Variants in PDE10A observed in about 807,000 individuals in gnomAD.
The protein encoded by PDE10A is phosphodiesterase 10A.
PDE10A carries 39 observed loss-of-function variants against 97.7 expected under a neutral mutation model. The observed-to-expected ratio is 0.40, with a 90% CI of 0.31 to 0.52. The LOEUF (loss-of-function observed/expected upper bound fraction) is 0.52. PDE10A is among the 20% of genes least tolerant of loss of function. The pLI is 0.56. For missense variants in PDE10A, 731 were observed against 1,047.8 expected, an observed-to-expected ratio of 0.70 and a Z score of 4.17; for synonymous variants, 371 against 376.8, an observed-to-expected ratio of 0.98 and a Z score of 0.18.
chr6:165,398,695 G>A (rs1055670819), intron 13 of PDE10A, among the ~76,000 whole-genome samples: 2 of 151,882 alleles, frequency 1.3e-5, no homozygotes, highest in African/African-American at 4.8e-5. Flanking sequence ...AACTCTTTGT[G>A]GAGAAGATTT....
chr6:165,796,085 T>TC (rs1491037773), intron 1 of PDE10A, among the ~76,000 whole-genome samples: 1,378 of 134,562 alleles, frequency 0.01, 27 homozygotes, highest in African/African-American at 0.037. Flanking sequence ...TTCTTTTTTT[T>TC]CTTTTCTTTT....
chr6:165,886,650 A>G (rs186521617), intron 1 of PDE10A, among the ~76,000 whole-genome samples: 14 of 152,372 alleles, frequency 9.2e-5, no homozygotes, highest in Non-Finnish European at 2.9e-5. Flanking sequence ...TGTCCCATCG[A>G]GAATCTGTAT....
chr6:165,738,372 A>G (rs1249523807), intron 1 of PDE10A, among the ~76,000 whole-genome samples: 1 of 150,942 alleles, frequency 6.6e-6, no homozygotes, highest in African/African-American at 2.4e-5. Flanking sequence ...ATAGTATTCC[A>G]TGGTGTATAT....
At chr6:165,855,541 G>A (rs559293167) in intron 1 of PDE10A, among the ~76,000 whole-genome samples, 25 of 151,700 alleles carry the variant, frequency 1.6e-4, no homozygotes, top group Non-Finnish European at 3.5e-4. Flanking sequence ...CATGTGGGGA[G>A]CATTTGGAGC....
At chr6:165,449,223 A>G (rs9457092) in intron 4 of PDE10A, among the ~76,000 whole-genome samples, 13,435 of 152,306 alleles carry the variant, frequency 0.088, 671 homozygotes, top group East Asian at 0.19. Context: ...ATAGCAGTCA[A>G]CGTACCACAT....
intron 2 of PDE10A, among the ~76,000 whole-genome samples, chr6:165,498,372 G>A (rs1017481198): frequency 6.2e-5 from 8 of 128,704 alleles, no homozygotes; most frequent in African/African-American, 1.2e-4. Flanking sequence ...GCAGGGAGTC[G>A]TGATCCTGTC....
At chr6:165,542,746 G>A (rs1235305652) in intron 2 of PDE10A, among the ~76,000 whole-genome samples, 1 of 150,622 alleles carries the variant, frequency 6.6e-6, no homozygotes, top group Non-Finnish European at 1.5e-5. Flanking sequence ...AGCCTCCTGA[G>A]TAGCTGGGAC....
chr6:165,966,517 G>A (rs930417492), intron 1 of PDE10A, among the ~76,000 whole-genome samples: 1 of 152,238 alleles, frequency 6.6e-6, no homozygotes, highest in African/African-American at 2.4e-5. Context: ...GCTCGTGGAA[G>A]ATGCTTAAAA....
At chr6:165,582,012 C>T (rs1440288551) in intron 1 of PDE10A, among the ~76,000 whole-genome samples, 1 of 152,198 alleles carries the variant, frequency 6.6e-6, no homozygotes, top group Non-Finnish European at 1.5e-5. Flanking sequence ...TGAACACTAA[C>T]AACATGCTAT....
chr6:165,735,320 TGGTA>T (rs1044582077), intron 1 of PDE10A, among the ~76,000 whole-genome samples: 2 of 144,792 alleles, frequency 1.4e-5, no homozygotes, highest in Admixed American at 6.8e-5. Context: ...ATAGGTAGGT[TGGTA>T]GGTAGGTAGG....
intron 2 of PDE10A, among the ~76,000 whole-genome samples, chr6:165,542,860 C>T (rs960223670): frequency 3.3e-5 from 5 of 151,876 alleles, no homozygotes; most frequent in South Asian, 2.1e-4. Flanking sequence ...CCTCGTGATC[C>T]GCCCGCCTCA....
At chr6:165,470,493 C>T (rs930330139) in intron 3 of PDE10A, among the ~76,000 whole-genome samples, 1 of 152,142 alleles carries the variant, frequency 6.6e-6, no homozygotes, top group Non-Finnish European at 1.5e-5. Flanking sequence ...GTGCCTTTCC[C>T]TTAGAGGATA....
intron 1 of PDE10A, among the ~76,000 whole-genome samples, chr6:165,719,533 C>G (rs1482469763): frequency 6.6e-6 from 1 of 152,140 alleles, no homozygotes; most frequent in South Asian, 2.1e-4. Context: ...TCAATCTAGT[C>G]TTAACAAAGG....
intron 1 of PDE10A, among the ~76,000 whole-genome samples, chr6:165,873,079 T>C (rs1781246023): frequency 6.6e-6 from 1 of 152,200 alleles, no homozygotes; most frequent in Non-Finnish European, 1.5e-5. Context: ...AGGTTGTTCC[T>C]AGGCCTCAGC....
chr6:165,754,721 C>A (rs1447692971), intron 1 of PDE10A, among the ~76,000 whole-genome samples: 2 of 152,078 alleles, frequency 1.3e-5, no homozygotes, highest in Non-Finnish European at 2.9e-5. Flanking sequence ...GTCACTTAAC[C>A]TCCTAAAGCT....
At chr6:165,867,230 G>GAAAAAA in intron 1 of PDE10A, among the ~76,000 whole-genome samples, 1 of 137,278 alleles carries the variant, frequency 7.3e-6, no homozygotes, top group Non-Finnish European at 1.6e-5. Context: ...AGACTGAATG[G>GAAAAAA]AAAAAAAAAA....
intron 1 of PDE10A, among the ~76,000 whole-genome samples, chr6:165,705,215 G>C (rs1007798562): frequency 3.9e-5 from 6 of 152,244 alleles, no homozygotes; most frequent in African/African-American, 1.2e-4. Flanking sequence ...AGACAGGTGA[G>C]GTTAAGACCA....
chr6:165,686,474 G>A (rs902014743), intron 1 of PDE10A, among the ~76,000 whole-genome samples: 2 of 152,138 alleles, frequency 1.3e-5, no homozygotes, highest in African/African-American at 4.8e-5. Flanking sequence ...GCTCTGGCAG[G>A]AGCTGTGGCC....
At chr6:165,428,573 T>A (rs1415530670) in intron 10 of PDE10A, 85 bp downstream of exon 10, 1 of 648,202 alleles carries the variant, frequency 1.5e-6, no homozygotes. Flanking sequence ...TGCCTGTGGA[T>A]GAATAAGTTT....
Sources: allele counts gnomAD v4.1 joint callset (sites outside exome capture counted in the v4.1 genomes callset), GRCh38; gene constraint gnomAD v4.1.1; transcripts MANE v1.5; gene names NCBI Gene and HGNC (gene_info 2026-07-23, HGNC 2026-07-21).